The following PLCH2 variants were observed in gnomAD, a reference collection of about 807,000 sequenced individuals.
PLCH2 encodes the protein 1-phosphatidylinositol 4,5-bisphosphate phosphodiesterase eta-2.
Under a neutral mutation model 134.7 loss-of-function variants are expected in PLCH2, and 98 were observed. The observed-to-expected ratio is 0.73, with a 90% confidence interval of 0.62 to 0.86. The LOEUF (loss-of-function observed/expected upper bound fraction) is 0.86, where lower values mean the gene tolerates loss of function less well. Among genes scored for constraint, PLCH2 ranks in the 40% least tolerant of loss-of-function variants. The pLI, the probability that PLCH2 is intolerant of heterozygous loss-of-function variation, is 0.00. For missense variants in PLCH2, 1,994 were observed against 1,986.6 expected (o/e 1.00, Z -0.07); for synonymous variants, 974 against 827.5 (o/e 1.18, Z -3.04).
rs75067549 is a variant in PLCH2, at chr1:2,432,796, C to T, written c.115+2167C>T. ...CTGGACGGACACCGCCGCCCTCCCA[C>T]AGCAGGGAGGGTCCCCAACTCCCCC... On this transcript the variant is annotated intron_variant, in intron 2 of 3. Transcript: ENST00000609981. Among the ~76,000 whole-genome samples the T allele has an allele frequency of 9.2e-5, 14 of 152,330 alleles. No homozygotes were observed. The East Asian group carries it at 2.1e-3, about 23-fold the overall frequency.
intron 10 of PLCH2, 69 bp from the exon 11 acceptor site, chr1:2,491,123 G>A (rs940114919): frequency 1.4e-6 from 2 of 1,463,922 alleles, no homozygotes; most frequent in African/African-American, 1.4e-5. Flanking sequence ...TGTGACCCTG[G>A]GGGTTGTCAT....
At chr1:2,483,403 G>A (rs927873356) in intron 4 of PLCH2, among the ~76,000 whole-genome samples, 2 of 152,214 alleles carry the variant, frequency 1.3e-5, no homozygotes, top group African/African-American at 4.8e-5. Flanking sequence ...CTGGGCAGGT[G>A]TGAAACGAGC....
upstream of PLCH2, among the ~76,000 whole-genome samples, chr1:2,474,541 C>T (rs1384943775): frequency 6.6e-6 from 1 of 152,182 alleles, no homozygotes; most frequent in South Asian, 2.1e-4. Context: ...TCTCAGAACC[C>T]CTGCCCAGGC....
upstream of PLCH2, among the ~76,000 whole-genome samples, chr1:2,464,842 G>A (rs1043207725): frequency 1.3e-5 from 2 of 152,222 alleles, no homozygotes; most frequent in Non-Finnish European, 2.9e-5. Flanking sequence ...GGAGGTCAGG[G>A]CAGCACCTGG....
At chr1:2,470,184 A>AGGCCCCT (rs1641259183) in intron 1 of PLCH2, among the ~76,000 whole-genome samples, 2 of 152,208 alleles carry the variant, frequency 1.3e-5, no homozygotes, top group Non-Finnish European at 2.9e-5. Flanking sequence ...CACATTGATC[A>AGGCCCCT]GGCCCCTGGC....
chr1:2,489,420 T>G (rs1307707451), intron 9 of PLCH2, 42 bp downstream of exon 9: 1 of 1,600,094 alleles, frequency 6.2e-7, no homozygotes, highest in South Asian at 1.1e-5. Context: ...TCACACAGAG[T>G]CTCGGGCCTG....
intron 2 of PLCH2, among the ~76,000 whole-genome samples, chr1:2,436,159 CTCCTCCCT>C (rs1164028222): frequency 7.4e-6 from 1 of 134,840 alleles, no homozygotes; most frequent in African/African-American, 2.8e-5. Flanking sequence ...TCCCTGCTCC[CTCCTCCCT>C]TCCTCCCTGC....
rs758827812 is a variant in PLCH2 at position 2,478,457 on chromosome 1, G to A, written c.125-19G>A. The A allele has an allele frequency of 3.1e-6, 5 of 1,611,720 alleles. No individual in the cohort carries two copies. The highest frequency in any genetic ancestry group is 1.7e-5 in the Admixed American group (1 of 59,962). On this transcript the variant is annotated intron_variant, in intron 1 of 21. Coordinates refer to ENST00000378486, the MANE Select transcript of PLCH2 (RefSeq NM_014638.4). The stretch of plus-strand genomic sequence containing the variant: ...AGTGGCTGTGCCTCCGCTGACAGCC[G>A]TGTCTCTCCCGTGTCCAGTGGAGCG...
chr1:2,498,038 C>T lies in PLCH2; in HGVS notation c.2224+429C>T, dbSNP rs1642993422. On this transcript the variant is annotated intron_variant, in intron 16 of 21. Transcript: ENST00000378486. The surrounding 1 kb of genome is among the most constrained non-coding windows in gnomAD (Gnocchi z 5.4). ...TTTGTCTGCTGTGGATGACTTCCAG[C>T]TTGGTCCCCCTGTGGCCCTGGCAGG... 2 of 231,824 alleles carry T rather than the reference C, an allele frequency of 8.6e-6. No homozygotes were observed. The highest frequency in any genetic ancestry group is 2.0e-4 in the East Asian group (2 of 10,204). 14.4% of individuals were successfully genotyped at this position (231,824 alleles called of 1,614,324 possible).
At position 2,502,280 on chromosome 1, in the gene PLCH2, T is replaced by C; in HGVS notation, c.2830T>C (p.Phe944Leu). ...TKSQKPGRRG[F>L]PELVLGTRDT... is the part of the protein sequence containing the mutation. Reference sequence around the variant, plus strand: ...GAGCCAGAAGCCGGGCCGCAGGGGCTTCCCGGAGCTGGTCCTGGGTACACG... The same window carrying C: ...GAGCCAGAAGCCGGGCCGCAGGGGCCTCCCGGAGCTGGTCCTGGGTACACG... Residue 944 changes from phenylalanine (F) to leucine (L), a missense_variant, in exon 21 of 22, where the codon TTC becomes CTC. By Grantham distance (22) the Phe-to-Leu change is conservative (BLOSUM62 0). This residue lies in a region of PLCH2 where 900 missense variants were observed against 752.3 expected (regional missense o/e 1.20). Coordinates refer to ENST00000378486, the MANE Select transcript of PLCH2 (RefSeq NM_014638.4). 2.0e-6 allele frequency: 3 copies of C among 1,538,116 alleles called. No individual in the cohort carries two copies. Among genetic ancestry groups the C allele is most frequent in the South Asian group, 2.4e-5 (2 of 83,130 alleles).
chr1:2,476,892 C>T (rs1237135423), intron 1 of PLCH2, among the ~76,000 whole-genome samples, 180 bp downstream of exon 1: 1 of 152,160 alleles, frequency 6.6e-6, no homozygotes, highest in Non-Finnish European at 1.5e-5. Flanking sequence ...CTGGCCCTGC[C>T]CCTCAGCCGC....
At position 2,498,723 on chromosome 1, in the gene PLCH2, A is replaced by AC. The variant is rs768500756; in HGVS notation, c.2350-16dup. 2.9e-5 allele frequency: 47 copies of AC among 1,594,506 alleles called. No homozygotes were observed. The Admixed American group carries it at 7.7e-4, about 26-fold the overall frequency. On this transcript the variant is annotated intron_variant, in intron 17 of 21. Transcript: ENST00000378486. The surrounding 1 kb of genome is among the most constrained non-coding windows in gnomAD (Gnocchi z 5.4). The stretch of plus-strand genomic sequence containing the variant: ...GGGCATCGCGATGGGCCCTGATGCC[A>AC]CCCCCACTCCTGTGTCCCAGATCAT...
At chr1:2,422,217 C>T (rs61760856), upstream of PLCH2, among the ~76,000 whole-genome samples, 35,635 of 152,052 alleles carry the variant, frequency 0.23, 4,775 homozygotes, top group Middle Eastern at 0.33. Flanking sequence ...TGCAGTGAGC[C>T]GAGATCGCGC....
chr1:2,499,341 C>T, intron 19 of PLCH2, 111 bp downstream of exon 19: 1 of 1,292,606 alleles, frequency 7.7e-7, no homozygotes. Flanking sequence ...GCACCTGGCA[C>T]CAAAGAGACA....
chr1:2,502,059 T>C (rs1304397774), intron 20 of PLCH2, 53 bp from the exon 21 acceptor site: 2 of 1,393,850 alleles, frequency 1.4e-6, no homozygotes, highest in African/African-American at 3.0e-5. Flanking sequence ...GGGGAGCAGC[T>C]GCAGCTGGGC....
At chr1:2,495,412 C>A in intron 12 of PLCH2, 76 bp from the exon 13 acceptor site, 1 of 1,291,072 alleles carries the variant, frequency 7.7e-7, no homozygotes, top group Non-Finnish European at 1.1e-6. Flanking sequence ...GATAGGCCCT[C>A]CCCAACCCCC....
intron 2 of PLCH2, among the ~76,000 whole-genome samples, chr1:2,441,987 C>G (rs1382147780): frequency 2.0e-5 from 3 of 152,186 alleles, no homozygotes; most frequent in African/African-American, 7.2e-5. Context: ...GGAACACACA[C>G]CCGGCACAGA....
At chr1:2,494,595 G>C in intron 11 of PLCH2, 1 of 576,664 alleles carries the variant, frequency 1.7e-6, no homozygotes, top group South Asian at 2.0e-5. Flanking sequence ...GCAGGTGTGA[G>C]CGAATGTTTC....
intron 2 of PLCH2, among the ~76,000 whole-genome samples, chr1:2,453,273 C>A (rs1047203374): frequency 6.6e-6 from 1 of 152,242 alleles, no homozygotes; most frequent in African/African-American, 2.4e-5. Flanking sequence ...CTCCCTGGGG[C>A]CCTTCCCCGT....
Sources: allele counts gnomAD v4.1 joint callset (sites outside exome capture counted in the v4.1 genomes callset), GRCh38; gene constraint gnomAD v4.1.1; regional missense constraint gnomAD v4.1.1; non-coding constraint Gnocchi (gnomAD v3.1); transcripts MANE v1.5; gene names NCBI Gene and HGNC (gene_info 2026-07-23, HGNC 2026-07-21).